HSF5: variants seen among roughly 807,000 people sequenced by gnomAD.
The protein encoded by HSF5 is heat shock factor protein 5.
A neutral mutation model predicts 50.8 loss-of-function variants in HSF5; 5 were observed. The observed-to-expected ratio is 0.10, with a 90% CI of 0.05 to 0.21. The LOEUF is 0.21. HSF5 is among the 10% of genes least tolerant of loss of function. HSF5 has a pLI of 1.00. For synonymous variants in HSF5, 307 were observed against 307.4 expected, an observed-to-expected ratio of 1.00 and a Z score of 0.02; for missense variants, 564 against 762.6, an observed-to-expected ratio of 0.74 and a Z score of 3.07.
At chr17:58,442,355 G>A (rs1974509521) in intron 5 of HSF5, among the ~76,000 whole-genome samples, 1 of 152,168 alleles carries the variant, frequency 6.6e-6, no homozygotes, top group Non-Finnish European at 1.5e-5. Flanking sequence ...TTATTTCAAG[G>A]GTGAGGTCCT....
At chr17:58,476,739 C>A in intron 2 of HSF5, 1 of 1,597,008 alleles carries the variant, frequency 6.3e-7, no homozygotes, top group Non-Finnish European at 8.6e-7. Context: ...ATTCTGATCT[C>A]TTCTGAAAAA....
At chr17:58,467,073 A>G in intron 2 of HSF5, 94 bp from the exon 3 acceptor site, 1 of 765,432 alleles carries the variant, frequency 1.3e-6, no homozygotes, top group Non-Finnish European at 2.2e-6. Context: ...AAGAAATCCA[A>G]ATTTGAAGAA....
intron 5 of HSF5, among the ~76,000 whole-genome samples, chr17:58,424,671 A>G (rs1012223191): frequency 2.0e-5 from 3 of 151,752 alleles, no homozygotes; most frequent in Non-Finnish European, 2.9e-5. Flanking sequence ...CTGTAGCCCC[A>G]GCTACTCAGA....
intron 5 of HSF5, among the ~76,000 whole-genome samples, chr17:58,433,911 A>ATTTTTTTTTTTTTTTT (rs59043902): frequency 1.8e-5 from 2 of 109,340 alleles, no homozygotes; most frequent in African/African-American, 7.2e-5. Flanking sequence ...GGTCAAAGGG[A>ATTTTTTTTTTTTTTTT]TTTTTTTTTT....
At chr17:58,447,784 G>A (rs1025321125) in intron 5 of HSF5, among the ~76,000 whole-genome samples, 5 of 152,172 alleles carry the variant, frequency 3.3e-5, no homozygotes, top group African/African-American at 1.2e-4. Context: ...GGTACAAACA[G>A]GGCCAGACTG....
At chr17:58,476,892 C>T (rs1401093529) in intron 2 of HSF5, 4 of 1,137,734 alleles carry the variant, frequency 3.5e-6, no homozygotes, top group Admixed American at 2.0e-5. Context: ...GAGGTCTCGT[C>T]GGCCCTGTAG....
At chr17:58,479,700 A>G (rs977507922) in intron 2 of HSF5, among the ~76,000 whole-genome samples, 193 bp downstream of exon 2, 8 of 152,162 alleles carry the variant, frequency 5.3e-5, no homozygotes, top group African/African-American at 1.9e-4. Context: ...AATTTTCACA[A>G]TCCTTAAAAA....
rs777265812 is a variant in HSF5, at chr17:58,462,911, T to A, written c.1413A>T (p.Glu471Asp). The A allele has an allele frequency of 2.5e-6, 4 of 1,614,102 alleles. No individual in the cohort carries two copies. The East Asian group carries it at 8.9e-5, about 36-fold the overall frequency. Residue 471 changes from glutamate to aspartate, a missense_variant, in exon 4 of 6, where the codon GAA becomes GAT. By Grantham distance (45) the Glu-to-Asp change is conservative. Around this residue, in one of 5 missense-constraint regions of HSF5, gnomAD observed 441 missense variants for 533.6 expected, o/e 0.83. Coordinates refer to ENST00000323777, the MANE Select transcript of HSF5 (RefSeq NM_001080439.3). ...CTGCAGATTCCTGTATTGTGCTATT[T>A]TCAACAGGCTGAGCTGTGTGGATGG... Reference protein sequence around the residue: ...IYTIHTAQPVENSTIQESAAI... With the variant: ...IYTIHTAQPVDNSTIQESAAI...
intron 1 of HSF5, among the ~76,000 whole-genome samples, chr17:58,483,417 T>G (rs1184694839): frequency 2.0e-5 from 3 of 152,216 alleles, no homozygotes; most frequent in African/African-American, 7.2e-5. Flanking sequence ...TAAGGGTTAC[T>G]TCATAGGGCT....
At chr17:58,480,382 G>T in intron 1 of HSF5, 115 bp from the exon 2 acceptor site, 1 of 975,302 alleles carries the variant, frequency 1.0e-6, no homozygotes, top group Non-Finnish European at 1.4e-6. Context: ...TAACACAACA[G>T]AAGTTTAGGT....
At chr17:58,464,156 T>C (rs1457012282) in intron 3 of HSF5, among the ~76,000 whole-genome samples, 1 of 152,216 alleles carries the variant, frequency 6.6e-6, no homozygotes, top group East Asian at 1.9e-4. Flanking sequence ...TTAACAAAGA[T>C]TGTCAAAGAT....
At chr17:58,480,361 T>A in intron 1 of HSF5, 94 bp from the exon 2 acceptor site, 1 of 1,253,962 alleles carries the variant, frequency 8.0e-7, no homozygotes, top group Non-Finnish European at 1.1e-6. Context: ...TCTTCACCTA[T>A]CAGCCATTTT....
chr17:58,471,553 C>T (rs529328709), intron 2 of HSF5, among the ~76,000 whole-genome samples: 5 of 151,978 alleles, frequency 3.3e-5, no homozygotes, highest in Non-Finnish European at 5.9e-5. Flanking sequence ...TACACACATA[C>T]GTATTTTTTA....
rs776646148 is a variant in HSF5, at chr17:58,458,796, T to A, written c.1692A>T (p.Arg564Ser). 2 of 1,613,590 alleles carry A rather than the reference T, an allele frequency of 1.2e-6. No individual in the cohort carries two copies. Among genetic ancestry groups the A allele is most frequent in the Admixed American group, 3.3e-5 (2 of 59,878 alleles). Residue 564 changes from arginine to serine, a missense_variant, in exon 5 of 6, where the codon AGA (arginine) becomes AGT (serine). Transcript: ENST00000323777. ...GGGACTTTCCTTGTTGTGAGTTGCT[T>A]CTGTGCTCTCTGTATCTGGCTGGAG... ...LATPARYREHRSNSQQGKSPD... is the reference protein window; with the variant it reads ...LATPARYREHSSNSQQGKSPD...
intron 5 of HSF5, among the ~76,000 whole-genome samples, chr17:58,434,307 G>A (rs1470298229): frequency 6.6e-6 from 1 of 152,112 alleles, no homozygotes; most frequent in Non-Finnish European, 1.5e-5. Context: ...GCCGGGCGTA[G>A]TGGCTCATGC....
chr17:58,478,644 C>T (rs1474156361), intron 2 of HSF5, among the ~76,000 whole-genome samples: 1 of 150,840 alleles, frequency 6.6e-6, no homozygotes, highest in African/African-American at 2.4e-5. Context: ...GGTGGATCAC[C>T]TGAGGTCAGG....
intron 2 of HSF5, among the ~76,000 whole-genome samples, chr17:58,472,481 A>G (rs1974962144): frequency 6.6e-6 from 1 of 152,234 alleles, no homozygotes; most frequent in Non-Finnish European, 1.5e-5. Context: ...CTCTTAAAAA[A>G]TAATAAAAAT....
chr17:58,481,524 T>C (rs1030690522), intron 1 of HSF5, among the ~76,000 whole-genome samples: 2 of 152,230 alleles, frequency 1.3e-5, no homozygotes, highest in African/African-American at 4.8e-5. Flanking sequence ...GATTCACAAG[T>C]TCCTTTCAAT....
At chr17:58,464,824 G>C (rs556048526) in intron 3 of HSF5, among the ~76,000 whole-genome samples, 24 of 152,120 alleles carry the variant, frequency 1.6e-4, no homozygotes, top group Admixed American at 8.5e-4. Context: ...GTAGAAACAG[G>C]GTTTCGCCAT....
Sources: gnomAD v4.1 joint callset for allele counts (sites outside exome capture counted in the v4.1 genomes callset) on GRCh38, gnomAD v4.1.1 for gene constraint, gnomAD v4.1.1 regional missense constraint, MANE v1.5 for transcripts, NCBI Gene and HGNC (gene_info 2026-07-23, HGNC 2026-07-21) for gene names.